ADGRB3: variants seen among roughly 807,000 people sequenced by gnomAD.
ADGRB3 encodes the protein brain-specific angiogenesis inhibitor 3.
ADGRB3 carries 37 observed loss-of-function variants against 193.4 expected under a neutral mutation model. That is an observed-to-expected ratio of 0.19 (90% CI 0.15 to 0.25). ADGRB3 has a LOEUF of 0.25. ADGRB3 is among the 10% of genes least tolerant of loss of function. The probability of loss-of-function intolerance (pLI) is 1.00; values close to 1 mark genes in which losing one functional copy is unlikely to be tolerated. For synonymous variants in ADGRB3, 690 were observed against 644.2 expected (o/e 1.07, Z -1.08); for missense variants, 1,637 against 1,852.9 (o/e 0.88, Z 2.14).
rs533419740 is a variant in ADGRB3, at chr6:69,281,980, A to G, written c.2814+42754A>G. ...GGAAAGACTAAAGCATCACTGGGGTATCTCTCAAGGTAATTGACTACCTTG... is the reference window on the plus strand; with the variant it reads ...GGAAAGACTAAAGCATCACTGGGGTGTCTCTCAAGGTAATTGACTACCTTG... On this transcript the variant is annotated intron_variant, in intron 20 of 31. Coordinates refer to ENST00000370598, the MANE Select transcript of ADGRB3 (RefSeq NM_001704.3). Among the ~76,000 whole-genome samples, 9 of 152,240 alleles carry G rather than the reference A, an allele frequency of 5.9e-5. 1 individual carries two copies. The South Asian group carries it at 1.9e-3, about 32-fold the overall frequency.
intron 26 of ADGRB3, among the ~76,000 whole-genome samples, chr6:69,344,345 G>C (rs1769039559): frequency 6.6e-6 from 1 of 152,114 alleles, no homozygotes; most frequent in South Asian, 2.1e-4. Flanking sequence ...AAGTCATTTT[G>C]TAGTGAAATG....
At chr6:68,672,395 C>T (rs7740604) in intron 3 of ADGRB3, among the ~76,000 whole-genome samples, 8,364 of 151,716 alleles carry the variant, frequency 0.055, 749 homozygotes, top group African/African-American at 0.19. Flanking sequence ...GATGCATGCA[C>T]TTGTAGCTGT....
intron 3 of ADGRB3, among the ~76,000 whole-genome samples, chr6:68,845,255 A>G (rs975703834): frequency 1.3e-5 from 2 of 152,190 alleles, no homozygotes; most frequent in Non-Finnish European, 2.9e-5. Flanking sequence ...ACTGATAAAA[A>G]TTAAAAAGAA....
At chr6:68,752,681 T>C (rs896510823) in intron 3 of ADGRB3, among the ~76,000 whole-genome samples, 1 of 152,224 alleles carries the variant, frequency 6.6e-6, no homozygotes, top group African/African-American at 2.4e-5. Context: ...GTCCAGTTGA[T>C]GTACACTCTT....
chr6:69,121,179 G>A (rs1220789063), intron 17 of ADGRB3, among the ~76,000 whole-genome samples: 2 of 151,928 alleles, frequency 1.3e-5, no homozygotes, highest in African/African-American at 4.8e-5. Context: ...GTGTCCCTGG[G>A]TACTTGAGAT....
intron 10 of ADGRB3, among the ~76,000 whole-genome samples, chr6:68,979,486 CAATGTTGTTTTTTAAA>C (rs1180414372): frequency 6.6e-6 from 1 of 151,354 alleles, no homozygotes; most frequent in African/African-American, 2.4e-5. Context: ...ACTATCATAT[CAATGTTGTTTTTTAAA>C]AAAGACACAA....
At chr6:68,651,279 G>A (rs954305591) in intron 3 of ADGRB3, among the ~76,000 whole-genome samples, 1 of 152,092 alleles carries the variant, frequency 6.6e-6, no homozygotes, top group Non-Finnish European at 1.5e-5. Flanking sequence ...TTTTCAACAG[G>A]CTTTGCTTTC....
chr6:68,874,765 A>G (rs1442706687), intron 3 of ADGRB3, among the ~76,000 whole-genome samples: 1 of 152,030 alleles, frequency 6.6e-6, no homozygotes. Flanking sequence ...TGTGTATCAA[A>G]CTCTTCGCTA....
intron 3 of ADGRB3, among the ~76,000 whole-genome samples, chr6:68,804,900 C>T (rs866380268): frequency 4.0e-5 from 6 of 151,458 alleles, no homozygotes; most frequent in Admixed American, 1.3e-4. Context: ...TCTTTGGTTT[C>T]CCACAGTATT....
chr6:69,191,654 A>G (rs906975636), intron 17 of ADGRB3, among the ~76,000 whole-genome samples: 2 of 152,130 alleles, frequency 1.3e-5, no homozygotes, highest in Non-Finnish European at 2.9e-5. Flanking sequence ...CTGCATTTGA[A>G]ATACATCTTA....
At chr6:69,214,853 A>C (rs1765743207) in intron 17 of ADGRB3, among the ~76,000 whole-genome samples, 1 of 151,996 alleles carries the variant, frequency 6.6e-6, no homozygotes, top group Non-Finnish European at 1.5e-5. Flanking sequence ...ATCTTCCTAA[A>C]ATATACTTTT....
chr6:69,000,020 A>T (rs1027691541), intron 11 of ADGRB3, among the ~76,000 whole-genome samples: 1 of 152,144 alleles, frequency 6.6e-6, no homozygotes, highest in Non-Finnish European at 1.5e-5. Context: ...ATTCATTCTG[A>T]ATCTTATTCT....
intron 23 of ADGRB3, 42 bp from the exon 24 acceptor site, chr6:69,332,881 C>T: frequency 6.2e-7 from 1 of 1,608,264 alleles, no homozygotes; most frequent in Non-Finnish European, 8.5e-7. Flanking sequence ...ACCTGATTCC[C>T]TTCAATATCA....
At chr6:69,030,859 C>G (rs1433572434) in intron 13 of ADGRB3, among the ~76,000 whole-genome samples, 2 of 151,780 alleles carry the variant, frequency 1.3e-5, no homozygotes, top group Non-Finnish European at 2.9e-5. Flanking sequence ...CTTCTCTTCT[C>G]TCTCTGTCTC....
chr6:68,940,720 C>G (rs903160632), intron 5 of ADGRB3, among the ~76,000 whole-genome samples: 1 of 151,578 alleles, frequency 6.6e-6, no homozygotes, highest in Non-Finnish European at 1.5e-5. Context: ...GGTGAAACCC[C>G]GTCTCCAGTA....
At chr6:69,058,106 C>A (rs1219931794) in intron 15 of ADGRB3, among the ~76,000 whole-genome samples, 2 of 151,656 alleles carry the variant, frequency 1.3e-5, no homozygotes, top group Admixed American at 6.6e-5. Context: ...TTGATTCAAT[C>A]GCTTTACTAG....
At position 69,055,140 on chromosome 6, in the gene ADGRB3, A is replaced by T. The variant is rs868385094; in HGVS notation, c.2333+5794A>T. Among the ~76,000 whole-genome samples, 11 of 152,222 alleles carry T rather than the reference A, an allele frequency of 7.2e-5. No individual in the cohort carries two copies. The South Asian group carries it at 8.3e-4, about 11-fold the overall frequency. On this transcript the variant is annotated intron_variant, in intron 15 of 31. Transcript: ENST00000370598. ...GGTGATTTTTCTATAACTGCATTAC[A>T]TTTTTTATTGTGTTAAAAAAACATA... is the stretch of plus-strand genomic sequence containing the variant.
intron 3 of ADGRB3, among the ~76,000 whole-genome samples, chr6:68,807,235 CTTTTT>C (rs771342538): frequency 3.0e-5 from 3 of 100,200 alleles, no homozygotes; most frequent in African/African-American, 7.5e-5. Context: ...TTTCTTTTTT[CTTTTT>C]TTTTTTTTTT....
At chr6:68,944,675 T>C (rs1767729565) in intron 6 of ADGRB3, among the ~76,000 whole-genome samples, 1 of 152,176 alleles carries the variant, frequency 6.6e-6, no homozygotes, top group Admixed American at 6.6e-5. Context: ...TTCACAATGC[T>C]GTCATTTAGT....
Sources: allele counts gnomAD v4.1 joint callset (sites outside exome capture counted in the v4.1 genomes callset), GRCh38; gene constraint gnomAD v4.1.1; transcripts MANE v1.5; gene names NCBI Gene and HGNC (gene_info 2026-07-23, HGNC 2026-07-21).